The following CASK variants were observed in gnomAD, a reference collection of about 807,000 sequenced individuals.
The protein encoded by CASK is peripheral plasma membrane protein CASK.
CASK carries 4 observed loss-of-function variants against 82.9 expected under a neutral mutation model. The observed-to-expected ratio is 0.05, with a 90% CI of 0.02 to 0.11. The LOEUF is 0.11. Ranked by LOEUF, CASK falls within the 10% of genes least tolerant of loss-of-function variation. The pLI is 1.00. For missense variants in CASK, 358 were observed against 720.9 expected (o/e 0.50, Z 5.76); for synonymous variants, 259 against 253.5 (o/e 1.02, Z -0.20).
intron 21 of CASK, among the ~76,000 whole-genome samples, chrX:41,544,418 T>C (rs1282284250): frequency 9.1e-6 from 1 of 109,894 alleles, no homozygotes; most frequent in Non-Finnish European, 1.9e-5. Flanking sequence ...ATACAAAAAG[T>C]AGCTGGGTGT....
At chrX:41,831,736 A>T (rs1449539142) in intron 2 of CASK, among the ~76,000 whole-genome samples, 1 of 112,146 alleles carries the variant, frequency 8.9e-6, no homozygotes, top group African/African-American at 3.2e-5. Context: ...AGGCGGGCTG[A>T]TCACCTGAGG....
At chrX:41,768,073 C>T (rs909959951) in intron 3 of CASK, among the ~76,000 whole-genome samples, 41 of 111,298 alleles carry the variant, frequency 3.7e-4, no homozygotes, top group African/African-American at 1.3e-3. Context: ...TTATTTTATA[C>T]TTTGGATTGT....
At chrX:41,794,508 C>G (rs778792623) in intron 2 of CASK, among the ~76,000 whole-genome samples, 17 of 112,089 alleles carry the variant, frequency 1.5e-4, no homozygotes, top group African/African-American at 5.5e-4. Context: ...GGGCATTTGA[C>G]TATTAGAAAA....
intron 3 of CASK, among the ~76,000 whole-genome samples, chrX:41,760,409 C>T (rs1013622644): frequency 8.9e-6 from 1 of 111,951 alleles, no homozygotes; most frequent in South Asian, 3.7e-4. Context: ...ATTCTCAGCC[C>T]GCTGTATAAC....
chrX:41,660,986 T>A (rs1306823764), intron 7 of CASK, among the ~76,000 whole-genome samples: 2 of 111,648 alleles, frequency 1.8e-5, no homozygotes, highest in African/African-American at 6.5e-5. Context: ...CTGTGCAAAG[T>A]TTTTAATAGG....
intron 25 of CASK, among the ~76,000 whole-genome samples, chrX:41,528,953 A>G (rs1427812750): frequency 8.9e-6 from 1 of 112,195 alleles, no homozygotes; most frequent in Non-Finnish European, 1.9e-5. Context: ...TCATTGTGAG[A>G]CCAGGACTGG....
intron 15 of CASK, among the ~76,000 whole-genome samples, chrX:41,576,872 C>T (rs914535746): frequency 5.4e-5 from 6 of 110,916 alleles, no homozygotes; most frequent in Non-Finnish European, 1.1e-4. Context: ...ATCTGCATGC[C>T]CCCCATGTGC....
chrX:41,606,101 C>T (rs2065956681), intron 12 of CASK, among the ~76,000 whole-genome samples: 1 of 112,301 alleles, frequency 8.9e-6, no homozygotes, highest in African/African-American at 3.2e-5. Context: ...CTCTATATGG[C>T]AGTCACTTGA....
chrX:41,757,567 T>C (rs1296038015), intron 3 of CASK, among the ~76,000 whole-genome samples: 5 of 112,737 alleles, frequency 4.4e-5, no homozygotes, highest in African/African-American at 1.6e-4. Context: ...TCTTGCTCTG[T>C]CACCCAGGCT....
intron 5 of CASK, among the ~76,000 whole-genome samples, chrX:41,673,946 T>A (rs1431772624): frequency 9.4e-6 from 1 of 106,797 alleles, no homozygotes; most frequent in African/African-American, 3.4e-5. Flanking sequence ...GGAGCTTACA[T>A]TCTAAAAGAA....
At chrX:41,698,384 G>A (rs1292312756) in intron 5 of CASK, among the ~76,000 whole-genome samples, 1 of 111,655 alleles carries the variant, frequency 9.0e-6, no homozygotes, top group Non-Finnish European at 1.9e-5. Context: ...AAAATAACAG[G>A]ACAGCAAGCT....
chrX:41,665,513 CTAAAAA>C lies in CASK; in HGVS notation c.533-67_533-62del. 3 of 897,472 alleles carry C rather than the reference CTAAAAA, an allele frequency of 3.3e-6. No homozygotes were observed. The Admixed American group carries it at 7.8e-5, about 23-fold the overall frequency. 74.0% of individuals were successfully genotyped at this position (897,472 alleles called of 1,213,427 possible). On this transcript the variant is annotated intron_variant, in intron 6 of 26. Transcript: ENST00000378163. ...ATAAAATGGGATTTTCACTTGAAAACTAAAAATAATAGAACAATAACAATCCAAATA... is the reference window on the plus strand; with the variant it reads ...ATAAAATGGGATTTTCACTTGAAAACTAATAGAACAATAACAATCCAAATA...
At chrX:41,660,793 T>G (rs2067018842) in intron 7 of CASK, among the ~76,000 whole-genome samples, 1 of 112,338 alleles carries the variant, frequency 8.9e-6, no homozygotes, top group African/African-American at 3.2e-5. Flanking sequence ...TCTTGTTATG[T>G]AAGTGATAAT....
chrX:41,755,155 G>A (rs1470089041), intron 3 of CASK, among the ~76,000 whole-genome samples: 4 of 111,215 alleles, frequency 3.6e-5, no homozygotes, highest in Non-Finnish European at 3.8e-5. Flanking sequence ...GGGATTACAG[G>A]TGTTAGCCAC....
chrX:41,819,870 A>T (rs1161795449), intron 2 of CASK, among the ~76,000 whole-genome samples: 1 of 111,966 alleles, frequency 8.9e-6, no homozygotes, highest in African/African-American at 3.2e-5. Flanking sequence ...AAGAAATTCA[A>T]CACTTATCCA....
At chrX:41,565,977 C>G (rs767279214) in intron 16 of CASK, among the ~76,000 whole-genome samples, 2 of 112,054 alleles carry the variant, frequency 1.8e-5, no homozygotes, top group East Asian at 5.6e-4. Context: ...GAACCAACGA[C>G]AAAAACCACA....
intron 1 of CASK, among the ~76,000 whole-genome samples, chrX:41,897,858 G>T (rs1269030977): frequency 6.3e-5 from 7 of 111,642 alleles, no homozygotes; most frequent in Non-Finnish European, 1.3e-4. Flanking sequence ...AGTTGAATTC[G>T]GCTTGCTAGT....
At chrX:41,527,581 G>A (rs370804110) in intron 25 of CASK, among the ~76,000 whole-genome samples, 2 of 111,849 alleles carry the variant, frequency 1.8e-5, no homozygotes, top group Non-Finnish European at 3.8e-5. Context: ...TAGGAAGAGT[G>A]CAGTGACCCC....
chrX:41,518,114 C>T lies in CASK; in HGVS notation c.*2306G>A, dbSNP rs1416127625. On this transcript the variant is annotated 3_prime_UTR_variant, in exon 27 of 27. Coordinates refer to ENST00000378163, the MANE Select transcript of CASK (RefSeq NM_001367721.1). ...CTTTTCTCCTCCTCTGCTTAATCCA[C>T]CTTTATAAATATGGCAGATGGCTTA... 1 of 198,192 alleles carries T rather than the reference C, an allele frequency of 5.0e-6. No individual in the cohort carries two copies. Among genetic ancestry groups the T allele is most frequent in the Non-Finnish European group, 9.2e-6 (1 of 108,719 alleles). The allele number at this position is 198,192 out of a possible 1,213,427, so 16.3% of individuals were successfully genotyped here.
Sources: gnomAD v4.1 joint callset for allele counts (sites outside exome capture counted in the v4.1 genomes callset) on GRCh38, gnomAD v4.1.1 for gene constraint, MANE v1.5 for transcripts, NCBI Gene and HGNC (gene_info 2026-07-23, HGNC 2026-07-21) for gene names.